Variants in MGAT4C observed in about 807,000 individuals in gnomAD.
MGAT4C encodes alpha-1,3-mannosyl-glycoprotein 4-beta-N-acetylglucosaminyltransferase C.
Under a neutral mutation model 40.1 loss-of-function variants are expected in MGAT4C, and 19 were observed. The observed-to-expected ratio is 0.47, with a 90% CI of 0.33 to 0.70. MGAT4C has a LOEUF of 0.70. Among genes scored for constraint, MGAT4C ranks in the 30% least tolerant of loss-of-function variants. The pLI is 0.02. For missense variants in MGAT4C, 491 were observed against 563.2 expected (o/e 0.87, Z 1.30); for synonymous variants, 181 against 187.1 (o/e 0.97, Z 0.27).
In MGAT4C at chr12:85,979,609, G is replaced by A; in HGVS notation, c.1117C>T (p.Pro373Ser). The A allele has an allele frequency of 6.2e-7, 1 of 1,610,592 alleles. No individual in the cohort carries two copies. The highest frequency in any genetic ancestry group is 8.5e-7 in the Non-Finnish European group (1 of 1,179,118). Residue 373 changes from proline (P) to serine (S), a missense_variant, in exon 5 of 5, where the codon CCT becomes TCT. Pro to Ser is a moderately conservative substitution (Grantham distance 74). Coordinates refer to ENST00000611864, the MANE Select transcript of MGAT4C (RefSeq NM_001351288.2). The stretch of plus-strand genomic sequence containing the variant: ...ATCACAAAAACATCTCCTGTTGAAG[G>A]TGGTTTCCCCCAAAAGTACTCATCA... ...SVDEYFWGKP[P>S]STGDVFVIVF...
At chr12:86,475,263 T>A (rs1957815399) in intron 2 of MGAT4C, among the ~76,000 whole-genome samples, 1 of 152,028 alleles carries the variant, frequency 6.6e-6, no homozygotes, top group Non-Finnish European at 1.5e-5. Context: ...GTAAAAAGTT[T>A]TTAGTAGAAT....
chr12:86,402,119 A>T (rs1227455565), intron 3 of MGAT4C, among the ~76,000 whole-genome samples: 1 of 151,934 alleles, frequency 6.6e-6, no homozygotes. Context: ...GTCTATTTAA[A>T]ACACAATGCA....
At chr12:86,138,506 G>A (rs839140) in intron 1 of MGAT4C, among the ~76,000 whole-genome samples, 103,955 of 137,542 alleles carry the variant, frequency 0.76, 39,334 homozygotes, top group East Asian at 0.94. Context: ...TATATATCAT[G>A]TATATATTTC....
intron 3 of MGAT4C, among the ~76,000 whole-genome samples, chr12:86,419,468 T>C (rs1168201193): frequency 1.3e-5 from 2 of 151,656 alleles, no homozygotes; most frequent in Admixed American, 6.6e-5. Flanking sequence ...ATTTGAAAAT[T>C]ATACAAATTA....
chr12:86,803,547 A>G (rs1952276659), intron 1 of MGAT4C, among the ~76,000 whole-genome samples: 1 of 151,502 alleles, frequency 6.6e-6, no homozygotes, highest in African/African-American at 2.4e-5. Flanking sequence ...AGAATCTACA[A>G]TGAACTCAAA....
intron 1 of MGAT4C, among the ~76,000 whole-genome samples, chr12:86,245,130 A>G (rs558734818): frequency 1.3e-5 from 2 of 152,172 alleles, no homozygotes; most frequent in East Asian, 1.9e-4. Context: ...AAATACACCA[A>G]ATGGTGAGAT....
chr12:86,344,795 T>G (rs1456145833), intron 3 of MGAT4C, among the ~76,000 whole-genome samples: 1 of 148,504 alleles, frequency 6.7e-6, no homozygotes, highest in Admixed American at 6.8e-5. Flanking sequence ...AGGGGCACAT[T>G]GAGAGGAAGC....
chr12:86,473,594 A>G (rs1305016728), intron 2 of MGAT4C, among the ~76,000 whole-genome samples: 1 of 152,238 alleles, frequency 6.6e-6, no homozygotes, highest in Non-Finnish European at 1.5e-5. Flanking sequence ...ACTGCCTTCA[A>G]GAGCCTTGAG....
chr12:86,482,415 C>T (rs756787211), intron 2 of MGAT4C, among the ~76,000 whole-genome samples: 32 of 152,094 alleles, frequency 2.1e-4, no homozygotes, highest in Non-Finnish European at 8.8e-5. Context: ...TAATTATCAA[C>T]TTGAAAAAGT....
Position 86,186,003 on chromosome 12 carries a change from G to A in MGAT4C, c.-57+70236C>T, listed in dbSNP as rs1364423514. On this transcript the variant is annotated intron_variant, in intron 1 of 4. Coordinates refer to ENST00000611864, the MANE Select transcript of MGAT4C (RefSeq NM_001351288.2). ...TATCTATTTTCAACATATAAAATTA[G>A]TAAGACAAAGCCTGATTGGCTCAAC... 5.3e-5 allele frequency among the ~76,000 whole-genome samples: 8 copies of A among 152,054 alleles called. No individual in the cohort carries two copies. In the East Asian group the frequency reaches 1.3e-3, roughly 26 times the overall value.
At chr12:86,454,239 T>C (rs1359864132) in intron 2 of MGAT4C, among the ~76,000 whole-genome samples, 3 of 152,096 alleles carry the variant, frequency 2.0e-5, no homozygotes, top group African/African-American at 7.2e-5. Context: ...TTACATCCTT[T>C]TTTTTTAAGA....
At chr12:86,446,848 T>C (rs1389234041) in intron 2 of MGAT4C, among the ~76,000 whole-genome samples, 5 of 151,104 alleles carry the variant, frequency 3.3e-5, no homozygotes, top group African/African-American at 1.2e-4. Context: ...ATACTAACCC[T>C]ACCTGTATGC....
rs184256976 is a variant in MGAT4C at position 86,535,021 on chromosome 12, G to A, written c.-228-99756C>T. Among the ~76,000 whole-genome samples, 461 of 151,998 alleles carry A rather than the reference G, an allele frequency of 3.0e-3. 1 individual carries two copies. The highest frequency in any genetic ancestry group is 6.8e-3 in the Middle Eastern group (2 of 294). On this transcript the variant is annotated intron_variant, in intron 2 of 7. Transcript: ENST00000548651. ...TTCATGCAAAATACTCTAAATATAA[G>A]CTCATCTTTAACTAGAAGTTCATTT...
intron 4 of MGAT4C, among the ~76,000 whole-genome samples, chr12:86,283,836 C>G (rs1229249724): frequency 6.6e-6 from 1 of 152,096 alleles, no homozygotes; most frequent in South Asian, 2.1e-4. Context: ...TTTCTTCACC[C>G]TGACAGTTCT....
At chr12:86,515,976 C>T (rs536499904) in intron 2 of MGAT4C, among the ~76,000 whole-genome samples, 2 of 152,122 alleles carry the variant, frequency 1.3e-5, no homozygotes, top group African/African-American at 2.4e-5. Flanking sequence ...GAGCTCCTGA[C>T]CTCGTGATCC....
intron 2 of MGAT4C, among the ~76,000 whole-genome samples, chr12:86,571,619 G>A (rs1960369113): frequency 1.3e-5 from 2 of 152,128 alleles, no homozygotes; most frequent in African/African-American, 4.8e-5. Context: ...GTGTGTGTAT[G>A]TGTGTGCACG....
chr12:86,178,399 C>T (rs771151061), intron 1 of MGAT4C, among the ~76,000 whole-genome samples: 32 of 152,190 alleles, frequency 2.1e-4, no homozygotes, highest in East Asian at 1.2e-3. Context: ...GTTCCTTGAC[C>T]GAGGGCATGG....
At chr12:86,018,365 C>G (rs962294690) in intron 2 of MGAT4C, among the ~76,000 whole-genome samples, 1 of 152,184 alleles carries the variant, frequency 6.6e-6, no homozygotes, top group Non-Finnish European at 1.5e-5. Context: ...CTTAACCTCA[C>G]GTCAGGGAAA....
intron 2 of MGAT4C, among the ~76,000 whole-genome samples, chr12:86,663,731 A>T: frequency 6.6e-6 from 1 of 152,162 alleles, no homozygotes; most frequent in East Asian, 1.9e-4. Flanking sequence ...CCCCTCCCCT[A>T]TGCACCATGT....
Sources: gnomAD v4.1 joint callset for allele counts (sites outside exome capture counted in the v4.1 genomes callset) on GRCh38, gnomAD v4.1.1 for gene constraint, MANE v1.5 for transcripts, NCBI Gene and HGNC (gene_info 2026-07-23, HGNC 2026-07-21) for gene names.